Variants in LRRIQ1 observed in about 807,000 individuals in gnomAD.
The protein encoded by LRRIQ1 is leucine rich repeats and IQ motif containing 1, also known as leucine-rich repeat- and IQ domain-containing protein 1.
LRRIQ1 carries 210 observed loss-of-function variants against 211.9 expected under a neutral mutation model. The observed-to-expected ratio is 0.99, with a 90% CI of 0.89 to 1.11. The LOEUF (loss-of-function observed/expected upper bound fraction) is 1.11, where lower values mean the gene tolerates loss of function less well. Among genes scored for constraint, LRRIQ1 ranks in the 50% most tolerant of loss-of-function variants. The probability of loss-of-function intolerance (pLI) is 0.00; values close to 1 mark genes in which losing one functional copy is unlikely to be tolerated. For missense variants in LRRIQ1, 2,136 were observed against 1,939.5 expected (o/e 1.10, Z -1.90); for synonymous variants, 699 against 650.1 (o/e 1.08, Z -1.14).
At chr12:85,064,308 C>T (rs1882189273) in intron 8 of LRRIQ1, among the ~76,000 whole-genome samples, 2 of 151,738 alleles carry the variant, frequency 1.3e-5, no homozygotes, top group Admixed American at 6.6e-5. Flanking sequence ...GACTGTTTGC[C>T]ATTTATATAT....
In LRRIQ1 at chr12:85,127,891, A is replaced by G. The variant is rs1888485670; in HGVS notation, c.4067A>G (p.His1356Arg). 3 of 1,613,988 alleles carry G rather than the reference A, an allele frequency of 1.9e-6. No individual in the cohort carries two copies. The highest frequency in any genetic ancestry group is 2.5e-6 in the Non-Finnish European group (3 of 1,180,002). Reference sequence around the variant, plus strand: ...GGTTACCTCATGCGCAGACAGACTCATTTCTCCACAAGGCTACATACTGCT... The same window carrying G: ...GGTTACCTCATGCGCAGACAGACTCGTTTCTCCACAAGGCTACATACTGCT... ...WRGYLMRRQT[H>R]FSTRLHTAAT... Residue 1356 changes from histidine to arginine, a missense_variant, in exon 18 of 27, where the codon CAT becomes CGT. Coordinates refer to ENST00000393217, the MANE Select transcript of LRRIQ1 (RefSeq NM_001079910.2).
chr12:85,157,410 G>A (rs1890614697), intron 23 of LRRIQ1, among the ~76,000 whole-genome samples: 1 of 151,894 alleles, frequency 6.6e-6, no homozygotes, highest in Non-Finnish European at 1.5e-5. Context: ...TTCCTAGTGA[G>A]TAATTGCTTT....
downstream of LRRIQ1, among the ~76,000 whole-genome samples, chr12:85,247,112 A>C (rs1895747595): frequency 2.0e-5 from 3 of 151,580 alleles, no homozygotes; most frequent in South Asian, 6.2e-4. Flanking sequence ...GGAAGTCTCA[A>C]GTATCTAGGC....
intron 24 of LRRIQ1, among the ~76,000 whole-genome samples, chr12:85,228,936 C>G (rs1187544091): frequency 1.3e-5 from 2 of 152,052 alleles, no homozygotes; most frequent in Non-Finnish European, 2.9e-5. Context: ...GTTTATGAAG[C>G]CAACAAGCCC....
rs1485039663 is a variant in LRRIQ1 at position 85,226,649 on chromosome 12, T to C, written c.4823-2868T>C. The stretch of plus-strand genomic sequence containing the variant: ...GCACCCATTAACTCGTCATTTACAT[T>C]AGGTATATCTCCTAATGCCATCCCT... On this transcript the variant is annotated intron_variant, in intron 24 of 26. Transcript: ENST00000393217. Among the ~76,000 whole-genome samples the C allele has an allele frequency of 5.3e-5, 8 of 150,658 alleles. No homozygotes were observed. The East Asian group carries it at 1.6e-3, about 30-fold the overall frequency.
At chr12:85,169,768 A>T (rs1276903107) in intron 24 of LRRIQ1, among the ~76,000 whole-genome samples, 1 of 152,080 alleles carries the variant, frequency 6.6e-6, no homozygotes, top group Non-Finnish European at 1.5e-5. Context: ...CTCATTTATT[A>T]ATTTAAACTG....
intron 1 of LRRIQ1, among the ~76,000 whole-genome samples, chr12:85,259,636 T>G (rs1896227810): frequency 6.6e-6 from 1 of 152,128 alleles, no homozygotes; most frequent in African/African-American, 2.4e-5. Context: ...ACACCTAAAA[T>G]ATTGTTTTGA....
chr12:85,175,410 A>G (rs1009340711), intron 24 of LRRIQ1, among the ~76,000 whole-genome samples: 3 of 152,180 alleles, frequency 2.0e-5, no homozygotes, highest in African/African-American at 7.2e-5. Context: ...GATCAACTCT[A>G]AAGTAAATAC....
At chr12:85,215,576 A>G (rs1415547053) in intron 24 of LRRIQ1, among the ~76,000 whole-genome samples, 3 of 151,922 alleles carry the variant, frequency 2.0e-5, no homozygotes, top group Non-Finnish European at 2.9e-5. Flanking sequence ...TTTAGCCCCT[A>G]CTTATAAGTG....
intron 11 of LRRIQ1, among the ~76,000 whole-genome samples, chr12:85,074,976 CTAAAT>C (rs1348044171): frequency 1.3e-5 from 2 of 151,878 alleles, no homozygotes; most frequent in Non-Finnish European, 2.9e-5. Context: ...AATTTTGAAA[CTAAAT>C]TAATTTTGAA....
intron 17 of LRRIQ1, among the ~76,000 whole-genome samples, chr12:85,125,017 A>C (rs1484590342): frequency 1.3e-5 from 2 of 152,066 alleles, no homozygotes; most frequent in Admixed American, 6.6e-5. Flanking sequence ...TCTCTACTAA[A>C]AAATACAAAA....
At chr12:85,261,040 T>C (rs1896270293) in intron 1 of LRRIQ1, among the ~76,000 whole-genome samples, 1 of 152,198 alleles carries the variant, frequency 6.6e-6, no homozygotes, top group Non-Finnish European at 1.5e-5. Flanking sequence ...GGAAGTCAAC[T>C]TCAGTTGGCA....
chr12:85,251,815 C>T lies in LRRIQ1; in HGVS notation c.121+6906C>T, dbSNP rs1307243983. On this transcript the variant is annotated intron_variant, in intron 1 of 1. Transcript: ENST00000602731. The stretch of plus-strand genomic sequence containing the variant: ...ACAGATATAGAGGAGATCAAGATTC[C>T]TTCTAGCTTTCAAATTCCATAATTC... 2.0e-5 allele frequency among the ~76,000 whole-genome samples: 3 copies of T among 150,606 alleles called. No individual in the cohort carries two copies. In the East Asian group the frequency reaches 5.8e-4, roughly 29 times the overall value.
intron 11 of LRRIQ1, among the ~76,000 whole-genome samples, chr12:85,095,883 G>A (rs1371804101): frequency 2.6e-5 from 4 of 152,012 alleles, no homozygotes; most frequent in Non-Finnish European, 5.9e-5. Flanking sequence ...CTCTTGCAAG[G>A]TTGTGTGTTT....
At position 85,047,279 on chromosome 12, in the gene LRRIQ1, G is replaced by A. The variant is rs1309797675; in HGVS notation, c.487G>A (p.Val163Met). 1 of 1,601,634 alleles carries A rather than the reference G, an allele frequency of 6.2e-7. No individual in the cohort carries two copies. Among genetic ancestry groups the A allele is most frequent in the East Asian group, 2.2e-5 (1 of 44,704 alleles). ...TGATATAAATTTTGGATACTGTGAA[G>A]TGGAAGAAAAATGTAGACAGTCTTT... is the stretch of plus-strand genomic sequence containing the variant. ...DADINFGYCEVEEKCRQSFEA... is the reference protein window; with the variant it reads ...DADINFGYCEMEEKCRQSFEA... Residue 163 changes from valine to methionine, a missense_variant, in exon 6 of 27, where the codon GTG becomes ATG. Val to Met is a conservative substitution (Grantham distance 21, BLOSUM62 1). Coordinates refer to ENST00000393217, the MANE Select transcript of LRRIQ1 (RefSeq NM_001079910.2).
intron 1 of LRRIQ1, among the ~76,000 whole-genome samples, chr12:85,250,931 ATTATATATAATATATT>A (rs1895915447): frequency 9.7e-6 from 1 of 103,198 alleles, no homozygotes; most frequent in East Asian, 2.3e-4. Flanking sequence ...TATATTATAT[ATTATATATAATATATT>A]TTATATATTA....
intron 24 of LRRIQ1, among the ~76,000 whole-genome samples, chr12:85,216,962 G>A (rs1894117220): frequency 6.6e-6 from 1 of 151,890 alleles, no homozygotes; most frequent in Non-Finnish European, 1.5e-5. Flanking sequence ...TGTTGCTTAT[G>A]GAAAACAACA....
intron 17 of LRRIQ1, among the ~76,000 whole-genome samples, chr12:85,125,603 A>G (rs763402555): frequency 6.6e-6 from 1 of 152,102 alleles, no homozygotes; most frequent in South Asian, 2.1e-4. Flanking sequence ...CCTTTTTTCA[A>G]AAGTTGTCAG....
chr12:85,064,534 A>G (rs1182753659), intron 8 of LRRIQ1, among the ~76,000 whole-genome samples: 2 of 151,466 alleles, frequency 1.3e-5, no homozygotes, highest in Non-Finnish European at 2.9e-5. Context: ...ATGTAATTCC[A>G]TTTGTCCATT....
Sources: allele counts gnomAD v4.1 joint callset (sites outside exome capture counted in the v4.1 genomes callset), GRCh38; gene constraint gnomAD v4.1.1; transcripts MANE v1.5; gene names NCBI Gene and HGNC (gene_info 2026-07-23, HGNC 2026-07-21).